ADSL: variants seen among roughly 807,000 people sequenced by gnomAD.
ADSL encodes the protein adenylosuccinase.
In ADSL, 44 loss-of-function variants were observed where a neutral mutation model predicts 62.1. The ratio of observed to expected loss-of-function variants is 0.71; its 90% CI spans 0.56 to 0.91. ADSL has a LOEUF of 0.91. Ranked by LOEUF, ADSL falls within the 40% of genes least tolerant of loss-of-function variation. The pLI, the probability that ADSL is intolerant of heterozygous loss-of-function variation, is 0.00. For synonymous variants in ADSL, 198 were observed against 220.5 expected (o/e 0.90, Z 0.90); for missense variants, 531 against 627.4 (o/e 0.85, Z 1.64).
chr22:40,362,983 G>A lies in ADSL; in HGVS notation c.1013G>A (p.Arg338Gln), dbSNP rs1046009538. ...ERTLDDSANR[R>Q]ICLAEAFLTA... is the part of the protein sequence containing the mutation. ...CTGAATGGCTATTTGTTTTCTAGAC[G>A]GATCTGTTTGGCCGAGGCATTTCTT... Residue 338 changes from arginine to glutamine, a missense_variant and splice_region_variant, in exon 10 of 13, where the codon CGG becomes CAG. Coordinates refer to ENST00000623063, the MANE Select transcript of ADSL (RefSeq NM_000026.4). The A allele has an allele frequency of 5.0e-6, 8 of 1,612,920 alleles. No homozygotes were observed. The highest frequency in any genetic ancestry group is 2.2e-5 in the East Asian group (1 of 44,892).
chr22:40,353,219 C>G, intron 3 of ADSL, 102 bp downstream of exon 3: 1 of 923,542 alleles, frequency 1.1e-6, no homozygotes, highest in Non-Finnish European at 1.8e-6. Flanking sequence ...TTTACATAGA[C>G]TATCATTTTT....
chr22:40,358,067 C>A (rs918239420), intron 4 of ADSL, among the ~76,000 whole-genome samples: 1 of 152,176 alleles, frequency 6.6e-6, no homozygotes, highest in African/African-American at 2.4e-5. Flanking sequence ...CATGAGCCAC[C>A]GCGCCTGGCC....
Position 40,360,434 on chromosome 22 carries a change from G to A in ADSL, c.734G>A (p.Arg245Gln), listed in dbSNP as rs374047157. Residue 245 changes from arginine (R) to glutamine (Q), a missense_variant, in exon 7 of 13, where the codon CGA becomes CAA. By Grantham distance (43) the Arg-to-Gln change is conservative (BLOSUM62 1). This residue lies in a region of ADSL where 471 missense variants were observed against 592.9 expected (regional missense o/e 0.79). Transcript: ENST00000623063. ...ATCATCACAGGGCAGACATATACAC[G>A]AAAAGTGGATATTGAAGTACTGTCT... The part of the protein sequence containing the change: ...AFIITGQTYT[R>Q]KVDIEVLSVL... The A allele has an allele frequency of 2.2e-5, 36 of 1,613,728 alleles. No individual in the cohort carries two copies. The highest frequency in any genetic ancestry group is 2.8e-5 in the Non-Finnish European group (33 of 1,179,922).
rs1314470860 is a variant in ADSL, at chr22:40,346,575, A to T, written c.17A>T (p.Asp6Val). 4 of 1,605,534 alleles carry T rather than the reference A, an allele frequency of 2.5e-6. No individual in the cohort carries two copies. The highest frequency in any genetic ancestry group is 3.4e-6 in the Non-Finnish European group (4 of 1,177,174). Residue 6 changes from aspartate (D) to valine (V), a missense_variant, in exon 1 of 13, where the codon GAT becomes GTT. Physicochemically the swap from Asp to Val is radical, Grantham distance 152. This residue lies in a region of ADSL where 60 missense variants were observed against 34.5 expected (regional missense o/e 1.74). Transcript: ENST00000623063. ...AGGGTTGGGATGGCGGCTGGAGGCG[A>T]TCATGGTTCGCCCGACAGCTACCGC... MAAGG[D>V]HGSPDSYRSP... is the part of the protein sequence containing the mutation.
intron 2 of ADSL, chr22:40,352,140 A>G (rs2044370396): frequency 1.3e-5 from 2 of 152,220 alleles, no homozygotes; most frequent in Non-Finnish European, 2.9e-5. Context: ...TGAAATATGT[A>G]CATCTGGAGA....
At chr22:40,351,441 GGA>G (rs1463256094) in intron 2 of ADSL, among the ~76,000 whole-genome samples, 1 of 151,972 alleles carries the variant, frequency 6.6e-6, no homozygotes, top group East Asian at 1.9e-4. Flanking sequence ...CAAAGTGCTG[GGA>G]TTACAGGCGT....
chr22:40,353,214 A>G (rs1601561946), intron 3 of ADSL, 97 bp downstream of exon 3: 2 of 940,124 alleles, frequency 2.1e-6, no homozygotes, highest in East Asian at 4.8e-5. Context: ...AAATTTTTAC[A>G]TAGACTATCA....
At chr22:40,347,118 C>A (rs1032180353) in intron 1 of ADSL, among the ~76,000 whole-genome samples, 1 of 152,180 alleles carries the variant, frequency 6.6e-6, no homozygotes, top group African/African-American at 2.4e-5. Flanking sequence ...GTGTTTTTCC[C>A]ACATTGCAGG....
Position 40,354,339 on chromosome 22 carries a change from G to T in ADSL, c.482+12G>T. ...TTCACACATTTCCAGTAAGTGATAA[G>T]ATTACTTCTTGTTTATGTGCATATG... On this transcript the variant is annotated intron_variant, in intron 4 of 12. Coordinates refer to ENST00000623063, the MANE Select transcript of ADSL (RefSeq NM_000026.4). The T allele has an allele frequency of 3.1e-6, 5 of 1,605,088 alleles. No homozygotes were observed. The South Asian group carries it at 5.5e-5, about 18-fold the overall frequency.
chr22:40,361,118 G>T, intron 7 of ADSL, 155 bp from the exon 8 acceptor site: 3 of 782,428 alleles, frequency 3.8e-6, no homozygotes, highest in Non-Finnish European at 6.9e-6. Flanking sequence ...GTCGGAGTAA[G>T]ATACTCTGCA....
chr22:40,380,111 A>G (rs2047316139), intron 2 of ADSL, among the ~76,000 whole-genome samples: 1 of 152,138 alleles, frequency 6.6e-6, no homozygotes, highest in South Asian at 2.1e-4. Flanking sequence ...TGTACCTACT[A>G]CAGAACCTAG....
At position 40,364,384 on chromosome 22, in the gene ADSL, T is replaced by G. The variant is rs1395382788; in HGVS notation, c.1191+19T>G. ...CCGCCAGGTTTGTAACCCCTCATGT[T>G]CCTGGATAAGTTGAGAGTGCACGTT... On this transcript the variant is annotated intron_variant, in intron 11 of 12. Coordinates refer to ENST00000623063, the MANE Select transcript of ADSL (RefSeq NM_000026.4). 1 of 1,610,262 alleles carries G rather than the reference T, an allele frequency of 6.2e-7. No individual in the cohort carries two copies. Among genetic ancestry groups the G allele is most frequent in the Non-Finnish European group, 8.5e-7 (1 of 1,177,016 alleles).
chr22:40,364,686 T>G, intron 11 of ADSL, 194 bp from the exon 12 acceptor site: 2 of 664,214 alleles, frequency 3.0e-6, no homozygotes, highest in South Asian at 3.6e-5. Context: ...TGGGCATCCA[T>G]TTCAGGCTTG....
At chr22:40,353,621 C>CTTTTTTT (rs772788908) in intron 3 of ADSL, among the ~76,000 whole-genome samples, 1 of 114,770 alleles carries the variant, frequency 8.7e-6, no homozygotes, top group East Asian at 2.6e-4. Flanking sequence ...AAAGCATAGC[C>CTTTTTTT]TTTTTTTTTT....
intron 2 of ADSL, among the ~76,000 whole-genome samples, chr22:40,351,231 C>T (rs1431265505): frequency 2.6e-5 from 4 of 151,456 alleles, no homozygotes; most frequent in Admixed American, 6.6e-5. Flanking sequence ...AGTGCAATGG[C>T]GCAATCTCAG....
At chr22:40,379,573 G>A (rs2047219165) in intron 2 of ADSL, 1 of 152,188 alleles carries the variant, frequency 6.6e-6, no homozygotes, top group South Asian at 2.1e-4. Flanking sequence ...CTCAGTTCAG[G>A]CCCGTGCAGT....
intron 2 of ADSL, among the ~76,000 whole-genome samples, chr22:40,386,934 C>CA (rs891967960): frequency 6.6e-6 from 1 of 152,092 alleles, no homozygotes; most frequent in Non-Finnish European, 1.5e-5. Context: ...TTTTCACACA[C>CA]AAAAAATTTT....
At chr22:40,364,767 G>GT in intron 11 of ADSL, 113 bp from the exon 12 acceptor site, 1 of 1,104,814 alleles carries the variant, frequency 9.1e-7, no homozygotes, top group Non-Finnish European at 1.4e-6. Flanking sequence ...CAGCCTAGAG[G>GT]GGTTTTGTGT....
chr22:40,354,037 T>G, intron 3 of ADSL: 1 of 609,612 alleles, frequency 1.6e-6, no homozygotes, highest in Non-Finnish European at 2.9e-6. Flanking sequence ...AAATAGTTCA[T>G]GACATTTTAG....
Sources: gnomAD v4.1 joint callset for allele counts (sites outside exome capture counted in the v4.1 genomes callset) on GRCh38, gnomAD v4.1.1 for gene constraint, gnomAD v4.1.1 regional missense constraint, MANE v1.5 for transcripts, NCBI Gene and HGNC (gene_info 2026-07-23, HGNC 2026-07-21) for gene names.